Variants in SLC39A12 observed in about 807,000 individuals in gnomAD.
SLC39A12 encodes zinc transporter ZIP12.
A neutral mutation model predicts 71.1 loss-of-function variants in SLC39A12; 63 were observed. The ratio of observed to expected loss-of-function variants is 0.89; its 90% CI spans 0.72 to 1.09. SLC39A12 has a LOEUF of 1.09. Ranked by LOEUF, SLC39A12 falls within the 50% of genes least tolerant of loss-of-function variation. The probability of loss-of-function intolerance (pLI) is 0.00; values close to 1 mark genes in which losing one functional copy is unlikely to be tolerated. For synonymous variants in SLC39A12, 351 were observed against 301.3 expected (o/e 1.16, Z -1.71); for missense variants, 892 against 812.6 (o/e 1.10, Z -1.19).
intron 6 of SLC39A12, among the ~76,000 whole-genome samples, chr10:17,985,161 G>A (rs1835368390): frequency 6.6e-6 from 1 of 152,082 alleles, no homozygotes; most frequent in Non-Finnish European, 1.5e-5. Flanking sequence ...TGGCCAACAT[G>A]ATGGAACCCC....
intron 4 of SLC39A12, among the ~76,000 whole-genome samples, chr10:17,970,403 T>C (rs1479101083): frequency 1.3e-5 from 2 of 152,202 alleles, no homozygotes; most frequent in Non-Finnish European, 2.9e-5. Flanking sequence ...CAATATTTAT[T>C]TTTCCAATCC....
At chr10:18,021,561 G>C (rs72780028) in intron 12 of SLC39A12, among the ~76,000 whole-genome samples, 2,556 of 152,148 alleles carry the variant, frequency 0.017, 26 homozygotes, top group Non-Finnish European at 0.027. Flanking sequence ...TTTAGGTCTT[G>C]CTTCTTTATC....
At chr10:17,973,168 G>A in intron 4 of SLC39A12, among the ~76,000 whole-genome samples, 1 of 151,974 alleles carries the variant, frequency 6.6e-6, no homozygotes, top group East Asian at 1.9e-4. Context: ...ACTTTTTGTT[G>A]TTTCTATTTA....
intron 12 of SLC39A12, among the ~76,000 whole-genome samples, chr10:18,036,341 A>T (rs1040515778): frequency 6.6e-5 from 10 of 152,106 alleles, no homozygotes; most frequent in Admixed American, 6.5e-4. Flanking sequence ...TGTGGGATAT[A>T]ATCTCGTGGT....
At chr10:17,994,753 C>T (rs1196093734) in intron 9 of SLC39A12, among the ~76,000 whole-genome samples, 4 of 152,120 alleles carry the variant, frequency 2.6e-5, no homozygotes, top group African/African-American at 7.2e-5. Context: ...TTTTGAATAG[C>T]TGCTATTATT....
chr10:18,030,805 A>T (rs1279058469), intron 12 of SLC39A12, among the ~76,000 whole-genome samples: 1 of 51,224 alleles, frequency 2.0e-5, no homozygotes, highest in South Asian at 7.7e-4. Context: ...CCCTCCCCCC[A>T]CCCCACCACA....
chr10:18,005,355 GTCAC>G (rs2130850684), intron 12 of SLC39A12: 1 of 152,306 alleles, frequency 6.6e-6, no homozygotes, highest in African/African-American at 2.4e-5. Context: ...TGAAACCACA[GTCAC>G]TCACCATTTA....
At chr10:17,991,031 C>A in intron 7 of SLC39A12, 120 bp from the exon 8 acceptor site, 1 of 1,022,382 alleles carries the variant, frequency 9.8e-7, no homozygotes, top group Non-Finnish European at 1.3e-6. Flanking sequence ...ATAGTTGTCA[C>A]GGCATTTCCC....
Position 18,042,892 on chromosome 10 carries a change from A to G in SLC39A12, c.*59A>G, listed in dbSNP as rs543595033. 37 of 1,431,484 alleles carry G rather than the reference A, an allele frequency of 2.6e-5. No individual in the cohort carries two copies. In the East Asian group the frequency reaches 3.7e-4, roughly 14 times the overall value. The allele number at this position is 1,431,484 out of a possible 1,614,324, so 88.7% of individuals were successfully genotyped here. A position where few individuals can be genotyped will look rare whatever the true frequency, so the allele number is the denominator to read the frequency against. On this transcript the variant is annotated 3_prime_UTR_variant, in exon 13 of 13. Transcript: ENST00000377369. The stretch of plus-strand genomic sequence containing the variant: ...TATATAGTCTTACTTTGTTTCTTTC[A>G]TTGCACTCTATAATGATTTTTAAAT...
intron 12 of SLC39A12, among the ~76,000 whole-genome samples, chr10:18,025,854 G>A (rs1190653024): frequency 5.9e-5 from 9 of 152,118 alleles, no homozygotes; most frequent in Non-Finnish European, 1.3e-4. Context: ...TATAAATCAT[G>A]CTGCTTTTAA....
rs1564647649 is a variant in SLC39A12, at chr10:17,987,590, T to A, written c.1208T>A (p.Leu403Gln). Residue 403 changes from leucine (L) to glutamine (Q), a missense_variant, in exon 7 of 13, where the codon CTG (leucine) becomes CAG (glutamine). Physicochemically the swap from Leu to Gln is moderately radical, Grantham distance 113. Coordinates refer to ENST00000377369, the MANE Select transcript of SLC39A12 (RefSeq NM_001145195.2). ...GAGAACTACAGGCTTATCTTACAGC[T>A]GTTTGTGGGCTTGGCCGTCGGGACA... The part of the protein sequence containing the change: ...CEENYRLILQ[L>Q]FVGLAVGTLS... The A allele has an allele frequency of 1.9e-6, 3 of 1,614,170 alleles. No homozygotes were observed. The highest frequency in any genetic ancestry group is 1.7e-6 in the Non-Finnish European group (2 of 1,180,028).
chr10:18,017,579 G>A (rs1027916197), intron 12 of SLC39A12, among the ~76,000 whole-genome samples: 6 of 152,152 alleles, frequency 3.9e-5, no homozygotes, highest in African/African-American at 1.2e-4. Context: ...ATGTAAGACT[G>A]TGTCTAGATT....
intron 4 of SLC39A12, among the ~76,000 whole-genome samples, chr10:17,966,393 C>G (rs1834825408): frequency 6.6e-6 from 1 of 152,102 alleles, no homozygotes; most frequent in Non-Finnish European, 1.5e-5. Context: ...TCACTGTAAC[C>G]TCCAACTCTT....
chr10:17,997,603 T>G (rs1343091386), intron 10 of SLC39A12, among the ~76,000 whole-genome samples: 4 of 152,192 alleles, frequency 2.6e-5, no homozygotes. Context: ...AAACATTTTA[T>G]AGGCCTCTTA....
chr10:17,974,866 T>C (rs7072795), intron 4 of SLC39A12, among the ~76,000 whole-genome samples: 18,972 of 152,182 alleles, frequency 0.12, 1,276 homozygotes, highest in Non-Finnish European at 0.14. Context: ...GTTACCCCAG[T>C]TCCCAGGCAG....
chr10:17,998,004 A>AT (rs1223598072), intron 10 of SLC39A12, among the ~76,000 whole-genome samples: 16 of 152,058 alleles, frequency 1.1e-4, no homozygotes, highest in Admixed American at 9.8e-4. Context: ...CCACTAAATA[A>AT]TTTTTTTGTT....
intron 4 of SLC39A12, among the ~76,000 whole-genome samples, chr10:17,967,160 G>A (rs1200925652): frequency 6.6e-6 from 1 of 151,998 alleles, no homozygotes; most frequent in Admixed American, 6.6e-5. Flanking sequence ...AAACAAAGGG[G>A]GTTGGTTTTC....
At chr10:17,987,777 T>A in intron 7 of SLC39A12, 126 bp downstream of exon 7, 2 of 971,744 alleles carry the variant, frequency 2.1e-6, no homozygotes, top group Non-Finnish European at 3.0e-6. Context: ...GTGTTTTCCT[T>A]AAAAAGAAAT....
At chr10:18,017,939 A>C (rs1836429723) in intron 12 of SLC39A12, among the ~76,000 whole-genome samples, 1 of 152,152 alleles carries the variant, frequency 6.6e-6, no homozygotes, top group Non-Finnish European at 1.5e-5. Context: ...TGGGACTTTG[A>C]TTTGGATTGA....
Sources: gnomAD v4.1 joint callset for allele counts (sites outside exome capture counted in the v4.1 genomes callset) on GRCh38, gnomAD v4.1.1 for gene constraint, MANE v1.5 for transcripts, NCBI Gene and HGNC (gene_info 2026-07-23, HGNC 2026-07-21) for gene names.